BIRC6: variants seen among roughly 807,000 people sequenced by gnomAD.
The protein encoded by BIRC6 is baculoviral IAP repeat containing 6.
A neutral mutation model predicts 503.3 loss-of-function variants in BIRC6; 98 were observed. The observed-to-expected ratio is 0.19, with a 90% CI of 0.17 to 0.23. BIRC6 has a LOEUF of 0.23. BIRC6 is among the 10% of genes least tolerant of loss of function. The pLI, the probability that BIRC6 is intolerant of heterozygous loss-of-function variation, is 1.00. For missense variants in BIRC6, 5,360 were observed against 5,806.0 expected, an observed-to-expected ratio of 0.92 and a Z score of 2.50; for synonymous variants, 2,240 against 2,078.7, an observed-to-expected ratio of 1.08 and a Z score of -2.11.
chr2:32,478,355 A>G (rs2050007446), intron 35 of BIRC6, among the ~76,000 whole-genome samples: 1 of 152,130 alleles, frequency 6.6e-6, no homozygotes, highest in South Asian at 2.1e-4. Context: ...AAAAAGAAGA[A>G]GGACTTTTAA....
chr2:32,468,823 A>G lies in BIRC6; in HGVS notation c.6127+40A>G, dbSNP rs368901361. On this transcript the variant is annotated intron_variant, in intron 29 of 73. Transcript: ENST00000421745. ...TACATATTTTAAAGGCTGGGAATAT[A>G]CTTGATGTGATTTCGCTGCATGTTT... 2.8e-5 allele frequency: 40 copies of G among 1,412,392 alleles called. No individual in the cohort carries two copies. The African/African-American group carries it at 4.6e-4, about 16-fold the overall frequency. The allele number at this position is 1,412,392 out of a possible 1,614,324, so 87.5% of individuals were successfully genotyped here.
chr2:32,555,274 A>G (rs955121390), intron 65 of BIRC6, among the ~76,000 whole-genome samples: 1 of 152,110 alleles, frequency 6.6e-6, no homozygotes, highest in African/African-American at 2.4e-5. Flanking sequence ...TTGGGAGGCC[A>G]AGATGAGAGG....
intron 21 of BIRC6, among the ~76,000 whole-genome samples, chr2:32,446,773 T>TTTTTTTTTTTTTTTTTTTTTG: frequency 9.9e-6 from 1 of 101,484 alleles, no homozygotes; most frequent in Non-Finnish European, 2.0e-5. Flanking sequence ...TTTTTTTTTA[T>TTTTTTTTTTTTTTTTTTTTTG]TGATCATTCT....
Position 32,505,145 on chromosome 2 carries a change from C to T in BIRC6, c.9640C>T (p.Leu3214Phe). The T allele has an allele frequency of 6.2e-7, 1 of 1,600,804 alleles. No individual in the cohort carries two copies. Among genetic ancestry groups the T allele is most frequent in the Non-Finnish European group, 8.5e-7 (1 of 1,173,202 alleles). Residue 3214 changes from leucine to phenylalanine, a missense_variant, in exon 50 of 74, where the codon CTT becomes TTT. Coordinates refer to ENST00000421745, the MANE Select transcript of BIRC6 (RefSeq NM_016252.4). ...EEAWCDLTIH[L>F]PAAVLLKEIH... ...GGCTTGGTGTGACCTTACCATTCAC[C>T]TTCCTGCAGCAGTGCTGCTTAAGGA...
intron 1 of BIRC6, among the ~76,000 whole-genome samples, chr2:32,369,945 A>AAAAATAT (rs1553373676): frequency 4.5e-5 from 2 of 44,220 alleles, no homozygotes; most frequent in Non-Finnish European, 7.3e-5. Flanking sequence ...AAAAAAAAAA[A>AAAAATAT]ATATATATAT....
At chr2:32,502,695 A>G (rs1222650318) in intron 47 of BIRC6, 100 bp from the exon 48 acceptor site, 7 of 805,462 alleles carry the variant, frequency 8.7e-6, no homozygotes, top group Non-Finnish European at 1.1e-5. Context: ...TAAGGCTGTC[A>G]GTTTACAAAA....
intron 73 of BIRC6, among the ~76,000 whole-genome samples, chr2:32,616,937 G>T (rs2063285697): frequency 1.3e-5 from 2 of 151,884 alleles, no homozygotes; most frequent in South Asian, 4.2e-4. Context: ...AACCCCATCT[G>T]TGTAAAAAAT....
At chr2:32,589,216 A>G (rs530274588) in intron 66 of BIRC6, among the ~76,000 whole-genome samples, 16 of 152,316 alleles carry the variant, frequency 1.1e-4, no homozygotes, top group African/African-American at 3.4e-4. Flanking sequence ...TGTTCAGTGT[A>G]AAGTGTTCTG....
chr2:32,416,812 C>A (rs1462184074), intron 10 of BIRC6, among the ~76,000 whole-genome samples: 1 of 111,896 alleles, frequency 8.9e-6, no homozygotes, highest in African/African-American at 3.4e-5. Flanking sequence ...CCTCCCCTTT[C>A]TTTCCCCGTC....
intron 70 of BIRC6, among the ~76,000 whole-genome samples, chr2:32,600,342 G>A (rs1205838402): frequency 1.3e-5 from 2 of 152,090 alleles, no homozygotes; most frequent in Admixed American, 1.3e-4. Flanking sequence ...GAGGTATTTT[G>A]GATACTTTGA....
chr2:32,477,226 C>T, intron 34 of BIRC6, 142 bp from the exon 35 acceptor site: 3 of 686,550 alleles, frequency 4.4e-6, no homozygotes, highest in South Asian at 3.9e-5. Context: ...AATATTCTTA[C>T]TTTTGAAACT....
chr2:32,497,743 CA>C (rs1331562047), intron 45 of BIRC6, among the ~76,000 whole-genome samples: 3 of 151,598 alleles, frequency 2.0e-5, no homozygotes, highest in African/African-American at 4.8e-5. Flanking sequence ...AATATTATTT[CA>C]AAAAAAGGCA....
At position 32,446,640 on chromosome 2, in the gene BIRC6, T is replaced by C. The variant is rs556869616; in HGVS notation, c.4484+972T>C. ...GCTTATTGGAATCACATTTGTTGAGTCTCTGGACAGTGTCTTTTAGAGTAT... is the reference window on the plus strand; with the variant it reads ...GCTTATTGGAATCACATTTGTTGAGCCTCTGGACAGTGTCTTTTAGAGTAT... On this transcript the variant is annotated intron_variant, in intron 21 of 73. Coordinates refer to ENST00000421745, the MANE Select transcript of BIRC6 (RefSeq NM_016252.4). Among the ~76,000 whole-genome samples the C allele has an allele frequency of 3.3e-5, 5 of 151,708 alleles. No individual in the cohort carries two copies. The South Asian group carries it at 6.3e-4, about 19-fold the overall frequency.
rs1205176270 is a variant in BIRC6, at chr2:32,441,419, G to C, written c.3901G>C (p.Val1301Leu). 1.2e-6 allele frequency: 2 copies of C among 1,610,960 alleles called. No homozygotes were observed. ...CTGTGATTTACTTCAAGAGGTCTCA[G>C]TCACCATTCGAAGATTTAAGAAAAC... ...RGCDLLQEVS[V>L]TIRRFKKTSI... The change falls in exon 17 of 74, where the codon GTC (valine) becomes CTC (leucine). Residue 1301 changes from valine to leucine, a missense_variant. This residue lies in a region of BIRC6 where 2,299 missense variants were observed against 2,267.2 expected (regional missense o/e 1.01). Transcript: ENST00000421745.
chr2:32,442,675 T>G (rs1356286707), intron 19 of BIRC6, among the ~76,000 whole-genome samples: 3 of 152,198 alleles, frequency 2.0e-5, no homozygotes, highest in African/African-American at 7.2e-5. Context: ...AGAAAAGAAG[T>G]CTGCTGAGCT....
intron 1 of BIRC6, among the ~76,000 whole-genome samples, chr2:32,367,826 C>A (rs894922977): frequency 1.3e-5 from 2 of 151,986 alleles, no homozygotes; most frequent in African/African-American, 2.4e-5. Context: ...CTGCTGCCCC[C>A]ACCTTCCCCC....
At chr2:32,564,694 A>G (rs1193621725) in intron 65 of BIRC6, 2 of 152,250 alleles carry the variant, frequency 1.3e-5, no homozygotes, top group Non-Finnish European at 2.9e-5. Flanking sequence ...GGGGCTGGCT[A>G]GAAGAGGGGA....
intron 34 of BIRC6, among the ~76,000 whole-genome samples, chr2:32,476,969 C>T (rs1319217934): frequency 1.3e-5 from 2 of 152,070 alleles, no homozygotes; most frequent in Admixed American, 1.3e-4. Context: ...ATGATTATTC[C>T]GCCAGATTTT....
rs147159907 is a variant in BIRC6 at position 32,460,740 on chromosome 2, G to A, written c.4754-2454G>A. ...TGTTTACGTCTTCTGTTTGCTTGTAGTGATTCACTTAGTTTTCCCTGTGTT... is the reference window on the plus strand; with the variant it reads ...TGTTTACGTCTTCTGTTTGCTTGTAATGATTCACTTAGTTTTCCCTGTGTT... On this transcript the variant is annotated intron_variant, in intron 23 of 73. Coordinates refer to ENST00000421745, the MANE Select transcript of BIRC6 (RefSeq NM_016252.4). 1.3e-4 allele frequency among the ~76,000 whole-genome samples: 19 copies of A among 151,848 alleles called. No homozygotes were observed. In the East Asian group the frequency reaches 2.7e-3, roughly 22 times the overall value.
Sources: allele counts gnomAD v4.1 joint callset (sites outside exome capture counted in the v4.1 genomes callset), GRCh38; gene constraint gnomAD v4.1.1; regional missense constraint gnomAD v4.1.1; transcripts MANE v1.5; gene names NCBI Gene and HGNC (gene_info 2026-07-23, HGNC 2026-07-21).